The following EPOR variants were observed in gnomAD, a reference collection of about 807,000 sequenced individuals.
EPOR encodes the protein erythropoietin receptor.
Under a neutral mutation model 34.3 loss-of-function variants are expected in EPOR, and 20 were observed. The observed-to-expected ratio is 0.58, with a 90% CI of 0.41 to 0.85. EPOR has a LOEUF of 0.85. Among genes scored for constraint, EPOR ranks in the 40% least tolerant of loss-of-function variants. EPOR has a pLI of 0.00. For missense variants in EPOR, 601 were observed against 672.7 expected, an observed-to-expected ratio of 0.89 and a Z score of 1.18; for synonymous variants, 312 against 299.0, an observed-to-expected ratio of 1.04 and a Z score of -0.45.
In EPOR at chr19:11,384,107, T is replaced by A. The variant is rs1287019143; in HGVS notation, c.101A>T (p.Lys34Met). 2.6e-6 allele frequency: 4 copies of A among 1,549,510 alleles called. No homozygotes were observed. The highest frequency in any genetic ancestry group is 2.6e-6 in the Non-Finnish European group (3 of 1,145,462). Residue 34 changes from lysine (K) to methionine (M), a missense_variant, in exon 1 of 8, where the codon AAG becomes ATG. Physicochemically the swap from Lys to Met is moderately conservative, Grantham distance 95 (BLOSUM62 -1). Coordinates refer to ENST00000222139, the MANE Select transcript of EPOR (RefSeq NM_000121.4). ...CTCATCCTTACCTTTGCTCTCGAAC[T>A]TGGGGTCCGGGAGGTTAGGCGGGGG... ...WAPPPNLPDP[K>M]FESKAALLAA...
At position 11,381,314 on chromosome 19, in the gene EPOR, C is replaced by G. The variant is rs190989303; in HGVS notation, c.586-105G>C. ...AATCAGGGGAAAGGAAAACGGTGCC[C>G]TAGAATTGCAATGGGACCAATAAGA... On this transcript the variant is annotated intron_variant, in intron 4 of 7. Coordinates refer to ENST00000222139, the MANE Select transcript of EPOR (RefSeq NM_000121.4). This position sits in a 1 kb window ranked among gnomAD's most constrained non-coding sequence, Gnocchi z 5.3. 4.1e-5 allele frequency: 53 copies of G among 1,298,844 alleles called. No individual in the cohort carries two copies. In the Admixed American group the frequency reaches 4.2e-4, roughly 10 times the overall value. The allele number at this position is 1,298,844 out of a possible 1,614,324, so 80.5% of individuals were successfully genotyped here. A position where few individuals can be genotyped will look rare whatever the true frequency, so the allele number is the denominator to read the frequency against.
In EPOR at chr19:11,378,195, C is replaced by A. The variant is rs121917830; in HGVS notation, c.1316G>T (p.Trp439Leu). ...LDPSSQLLRPWTLCPELPPTP... is the reference protein window; with the variant it reads ...LDPSSQLLRPLTLCPELPPTP... ...AGGGGGCAGCTCAGGGCACAGTGTCCATGGACGCAAGAGCTGGGAGCTGGG... is the reference window on the plus strand; with the variant it reads ...AGGGGGCAGCTCAGGGCACAGTGTCAATGGACGCAAGAGCTGGGAGCTGGG... Residue 439 changes from tryptophan (W) to leucine (L), a missense_variant, in exon 8 of 8, where the codon TGG becomes TTG. Coordinates refer to ENST00000222139, the MANE Select transcript of EPOR (RefSeq NM_000121.4). This position sits in a 1 kb window ranked among gnomAD's most constrained non-coding sequence, Gnocchi z 5.3. 1 of 1,614,094 alleles carries A rather than the reference C, an allele frequency of 6.2e-7. No homozygotes were observed. The highest frequency in any genetic ancestry group is 8.5e-7 in the Non-Finnish European group (1 of 1,180,004).
chr19:11,378,706 G>T lies in EPOR; in HGVS notation c.900C>A (p.His300Gln). The T allele has an allele frequency of 1.2e-6, 2 of 1,614,222 alleles. No homozygotes were observed. Among genetic ancestry groups the T allele is most frequent in the Non-Finnish European group, 1.7e-6 (2 of 1,180,024 alleles). ...GGCCACCTACCTGGAAGTTACCCTT[G>T]TGGGTGGTGAAGAGGCCTTCAAACT... ...ESEFEGLFTT[H>Q]KGNFQLWLYQ... The change falls in exon 7 of 8, where the codon CAC becomes CAA. Residue 300 changes from histidine to glutamine, a missense_variant. By Grantham distance (24) the His-to-Gln change is conservative. Coordinates refer to ENST00000222139, the MANE Select transcript of EPOR (RefSeq NM_000121.4). This position sits in a 1 kb window ranked among gnomAD's most constrained non-coding sequence, Gnocchi z 5.3.
chr19:11,383,327 G>T lies in EPOR; in HGVS notation c.116-95C>A. 7.6e-7 allele frequency: 1 copy of T among 1,316,948 alleles called. No individual in the cohort carries two copies. The highest frequency in any genetic ancestry group is 1.0e-6 in the Non-Finnish European group (1 of 983,474). The allele number at this position is 1,316,948 out of a possible 1,614,324, so 81.6% of individuals were successfully genotyped here. A position where few individuals can be genotyped will look rare whatever the true frequency, so the allele number is the denominator to read the frequency against. On this transcript the variant is annotated intron_variant, in intron 1 of 7. Coordinates refer to ENST00000222139, the MANE Select transcript of EPOR (RefSeq NM_000121.4). This position sits in a 1 kb window ranked among gnomAD's most constrained non-coding sequence, Gnocchi z 4.9. ...TCCCTCCCGCAGCCTGGGCGGACCC[G>T]ATAAGAAAAAAGCCCCGCCCTGCCA...
chr19:11,383,327 G>C lies in EPOR; in HGVS notation c.116-95C>G. 3.0e-6 allele frequency: 4 copies of C among 1,316,948 alleles called. No homozygotes were observed. The African/African-American group carries it at 4.4e-5, about 15-fold the overall frequency. The allele number at this position is 1,316,948 out of a possible 1,614,324, so 81.6% of individuals were successfully genotyped here. A position where few individuals can be genotyped will look rare whatever the true frequency, so the allele number is the denominator to read the frequency against. On this transcript the variant is annotated intron_variant, in intron 1 of 7. Coordinates refer to ENST00000222139, the MANE Select transcript of EPOR (RefSeq NM_000121.4). The surrounding 1 kb of genome is among the most constrained non-coding windows in gnomAD (Gnocchi z 4.9). The stretch of plus-strand genomic sequence containing the variant: ...TCCCTCCCGCAGCCTGGGCGGACCC[G>C]ATAAGAAAAAAGCCCCGCCCTGCCA...
rs780132674 is a variant in EPOR at position 11,382,075 on chromosome 19, G to C, written c.282C>G (p.His94Gln). 9 of 1,614,046 alleles carry C rather than the reference G, an allele frequency of 5.6e-6. No homozygotes were observed. The highest frequency in any genetic ancestry group is 7.6e-6 in the Non-Finnish European group (9 of 1,179,960). Residue 94 changes from histidine to glutamine, a missense_variant, in exon 3 of 8, where the codon CAC (histidine) becomes CAG (glutamine). His to Gln is a conservative substitution (Grantham distance 24). Coordinates refer to ENST00000222139, the MANE Select transcript of EPOR (RefSeq NM_000121.4). Reference protein sequence around the residue: ...EDEPWKLCRLHQAPTARGAVR... With the variant: ...EDEPWKLCRLQQAPTARGAVR... ...CCGCACCACGAGCCGTGGGAGCCTG[G>C]TGCAGGCGACACAGCTTCCATGGCT...
chr19:11,382,495 C>CCTG (rs1968376559), intron 2 of EPOR, among the ~76,000 whole-genome samples: 1 of 151,948 alleles, frequency 6.6e-6, no homozygotes, highest in Admixed American at 6.6e-5. Context: ...TCCCGAGTAG[C>CCTG]TGGGATCACA....
At position 11,382,069 on chromosome 19, in the gene EPOR, A is replaced by G; in HGVS notation, c.288T>C (p.Ala96=). The change falls in exon 3 of 8, where the codon GCT becomes GCC. Residue 96 remains alanine, a synonymous_variant. Transcript: ENST00000222139. Reference sequence around the variant, plus strand: ...AGCGCACCGCACCACGAGCCGTGGGAGCCTGGTGCAGGCGACACAGCTTCC... The same window carrying G: ...AGCGCACCGCACCACGAGCCGTGGGGGCCTGGTGCAGGCGACACAGCTTCC... ...EPWKLCRLHQ[A]PTARGAVRFW... 4 of 1,614,056 alleles carry G rather than the reference A, an allele frequency of 2.5e-6. No individual in the cohort carries two copies. The highest frequency in any genetic ancestry group is 1.1e-5 in the South Asian group (1 of 91,074).
rs114645751 is a variant in EPOR at position 11,381,839 on chromosome 19, G to A, written c.438C>T (p.Asp146=). 3.2e-4 allele frequency: 510 copies of A among 1,614,082 alleles called. 3 individuals are homozygous for A. The African/African-American group carries it at 6.2e-3, about 20-fold the overall frequency. Residue 146 remains aspartate (D), a synonymous_variant, in exon 4 of 8, where the codon GAC becomes GAT. Transcript: ENST00000222139. This position sits in a 1 kb window ranked among gnomAD's most constrained non-coding sequence, Gnocchi z 5.3. ...VIHINEVVLL[D]APVGLVARLA... The stretch of plus-strand genomic sequence containing the variant: ...ACCGCGCCACCAGCCCCACGGGGGC[G>A]TCTAGGAGCACTGCAGGCATGGGGG...
intron 2 of EPOR, chr19:11,382,818 G>C: frequency 7.0e-7 from 1 of 1,425,190 alleles, no homozygotes. Context: ...TCGAGAAGGC[G>C]TCCCAGCCCC....
chr19:11,378,670 G>A lies in EPOR; in HGVS notation c.915+21C>T, dbSNP rs1199400562. 1.9e-6 allele frequency: 3 copies of A among 1,614,052 alleles called. No individual in the cohort carries two copies. In the African/African-American group the frequency reaches 4.0e-5, roughly 22 times the overall value. On this transcript the variant is annotated intron_variant, in intron 7 of 7. Transcript: ENST00000222139. The surrounding 1 kb of genome is among the most constrained non-coding windows in gnomAD (Gnocchi z 5.3). Reference sequence around the variant, plus strand: ...AGAAGCAGGGAAGCCCAGGCACTGAGGGGACAACCAGGCCACCTACCTGGA... The same window carrying A: ...AGAAGCAGGGAAGCCCAGGCACTGAAGGGACAACCAGGCCACCTACCTGGA...
Position 11,383,209 on chromosome 19 carries a change from GC to G in EPOR, c.138del (p.Glu48LysfsTer73). 2 of 1,603,664 alleles carry G rather than the reference GC, an allele frequency of 1.2e-6. No homozygotes were observed. On this transcript the variant is annotated frameshift_variant, in exon 2 of 8. Coordinates refer to ENST00000222139, the MANE Select transcript of EPOR (RefSeq NM_000121.4). LOFTEE classifies it high-confidence loss of function. This position sits in a 1 kb window ranked among gnomAD's most constrained non-coding sequence, Gnocchi z 4.9. ...TCGGTGAAGCACAGAAGCTCTTCGG[GC>G]CCCCGGGCCGCCAGCAAGGCCGCTG... is the stretch of plus-strand genomic sequence containing the variant. The part of the protein sequence containing the change: ...ESKAALLAAR[G>X]PEELLCFTER...
Position 11,377,280 on chromosome 19 carries a change from T to G in EPOR, c.*704A>C, listed in dbSNP as rs1272474779. ...GGCCCTTAAACAGCTTTGCCCTTCC[T>G]GGGTGTACAGCTAAACTAAGTTTCC... On this transcript the variant is annotated 3_prime_UTR_variant, in exon 8 of 8. Coordinates refer to ENST00000222139, the MANE Select transcript of EPOR (RefSeq NM_000121.4). 2 of 454,104 alleles carry G rather than the reference T, an allele frequency of 4.4e-6. No individual in the cohort carries two copies. The highest frequency in any genetic ancestry group is 8.8e-6 in the Non-Finnish European group (2 of 226,788). The allele number at this position is 454,104 out of a possible 1,614,324, so 28.1% of individuals were successfully genotyped here.
chr19:11,381,739 A>G lies in EPOR; in HGVS notation c.538T>C (p.Tyr180His), dbSNP rs1323990814. Residue 180 changes from tyrosine to histidine, a missense_variant, in exon 4 of 8, where the codon TAC becomes CAC. By Grantham distance (83) the Tyr-to-His change is moderately conservative. Transcript: ENST00000222139. This position sits in a 1 kb window ranked among gnomAD's most constrained non-coding sequence, Gnocchi z 5.3. ...TTGCCGGCCGAGACGTCCACCTCGT[A>G]GCGGATGTGAGACGTCATGGGTGTC... ...PETPMTSHIR[Y>H]EVDVSAGNGA... The G allele has an allele frequency of 2.5e-6, 4 of 1,612,990 alleles. No homozygotes were observed. The highest frequency in any genetic ancestry group is 2.5e-6 in the Non-Finnish European group (3 of 1,179,612).
At chr19:11,379,701 A>T (rs142561356) in intron 6 of EPOR, among the ~76,000 whole-genome samples, 3 of 143,466 alleles carry the variant, frequency 2.1e-5, no homozygotes, top group Admixed American at 7.0e-5. Context: ...CCATGTGGCA[A>T]TTTTTTTTTT....
chr19:11,381,462 G>A lies in EPOR; in HGVS notation c.585+230C>T. ...TCGTAGAGGGACCCGGGCGCTAAAG[G>A]GGTCTAGGGTTACGGGCCGGAGGGA... On this transcript the variant is annotated intron_variant, in intron 4 of 7. Transcript: ENST00000222139. The surrounding 1 kb of genome is among the most constrained non-coding windows in gnomAD (Gnocchi z 5.3). 7.5e-6 allele frequency: 5 copies of A among 667,982 alleles called. No individual in the cohort carries two copies. The highest frequency in any genetic ancestry group is 1.3e-5 in the Non-Finnish European group (5 of 397,400). The allele number at this position is 667,982 out of a possible 1,614,324, so 41.4% of individuals were successfully genotyped here. A position where few individuals can be genotyped will look rare whatever the true frequency, so the allele number is the denominator to read the frequency against.
At position 11,381,437 on chromosome 19, in the gene EPOR, T is replaced by C; in HGVS notation, c.586-228A>G. The C allele has an allele frequency of 1.5e-6, 1 of 666,374 alleles. No individual in the cohort carries two copies. Among genetic ancestry groups the C allele is most frequent in the Non-Finnish European group, 2.5e-6 (1 of 394,380 alleles). 41.3% of individuals were successfully genotyped at this position (666,374 alleles called of 1,614,324 possible). On this transcript the variant is annotated intron_variant, in intron 4 of 7. Transcript: ENST00000222139. This position sits in a 1 kb window ranked among gnomAD's most constrained non-coding sequence, Gnocchi z 5.3. ...GGCAATTTAATATCTGGGCTAGCAC[T>C]CGTAGAGGGACCCGGGCGCTAAAGG...
chr19:11,383,656 G>A lies in EPOR; in HGVS notation c.116-424C>T. The A allele has an allele frequency of 4.3e-6, 1 of 232,588 alleles. No homozygotes were observed. Among genetic ancestry groups the A allele is most frequent in the South Asian group, 6.2e-5 (1 of 16,234 alleles). The allele number at this position is 232,588 out of a possible 1,614,324, so 14.4% of individuals were successfully genotyped here. A position where few individuals can be genotyped will look rare whatever the true frequency, so the allele number is the denominator to read the frequency against. On this transcript the variant is annotated intron_variant, in intron 1 of 7. Transcript: ENST00000222139. This position sits in a 1 kb window ranked among gnomAD's most constrained non-coding sequence, Gnocchi z 4.9. ...CCCGCCTCCCTCCCTCCACCGGGCC[G>A]GGCAAGTGATCTGGCGCCCTCACAC...
At position 11,378,758 on chromosome 19, in the gene EPOR, C is replaced by G; in HGVS notation, c.848G>C (p.Trp283Ser). 6.2e-7 allele frequency: 1 copy of G among 1,614,152 alleles called. No individual in the cohort carries two copies. Among genetic ancestry groups the G allele is most frequent in the Non-Finnish European group, 8.5e-7 (1 of 1,180,038 alleles). The change falls in exon 7 of 8, where the codon TGG (tryptophan) becomes TCG (serine). Residue 283 changes from tryptophan to serine, a missense_variant. Physicochemically the swap from Trp to Ser is radical, Grantham distance 177. Coordinates refer to ENST00000222139, the MANE Select transcript of EPOR (RefSeq NM_000121.4). The surrounding 1 kb of genome is among the most constrained non-coding windows in gnomAD (Gnocchi z 5.3). ...SHRRALKQKI[W>S]PGIPSPESEF... ...GCTCTCTGGGCTCGGGATGCCAGGC[C>G]AGATCTTCTGCTTCAGAGCCCTGTT...
Sources: gnomAD v4.1 joint callset for allele counts (sites outside exome capture counted in the v4.1 genomes callset) on GRCh38, gnomAD v4.1.1 for gene constraint, Gnocchi (gnomAD v3.1) non-coding constraint, MANE v1.5 for transcripts, NCBI Gene and HGNC (gene_info 2026-07-23, HGNC 2026-07-21) for gene names.